The following ITGA4 variants were observed in gnomAD, a reference collection of about 807,000 sequenced individuals.
ITGA4 encodes the protein integrin alpha-4.
In ITGA4, 63 loss-of-function variants were observed where a neutral mutation model predicts 133.6. The observed-to-expected ratio is 0.47, with a 90% CI of 0.38 to 0.58. The LOEUF (loss-of-function observed/expected upper bound fraction) is 0.58. ITGA4 is among the 20% of genes least tolerant of loss of function. The pLI is 0.00. For missense variants in ITGA4, 1,076 were observed against 1,252.7 expected, an observed-to-expected ratio of 0.86 and a Z score of 2.13; for synonymous variants, 483 against 438.0, an observed-to-expected ratio of 1.10 and a Z score of -1.28.
chr2:181,504,285 C>A (rs1686345675), intron 15 of ITGA4, among the ~76,000 whole-genome samples: 1 of 151,982 alleles, frequency 6.6e-6, no homozygotes, highest in South Asian at 2.1e-4. Context: ...TCTTTGATTT[C>A]TCAAATTTCT....
rs113309461 is a variant in ITGA4, at chr2:181,520,996, T to C, written c.1923-1195T>C. Among the ~76,000 whole-genome samples the C allele has an allele frequency of 2.8e-3, 427 of 152,292 alleles. 3 individuals carry two copies. Among genetic ancestry groups the C allele is most frequent in the African/African-American group, 9.9e-3 (413 of 41,576 alleles). ...ACTGTATCTTTAGTATTTCCATAAA[T>C]AGTTTATTCAAACACTAATCTTCTC... On this transcript the variant is annotated intron_variant, in intron 17 of 27. Transcript: ENST00000397033.
Position 181,524,209 on chromosome 2 carries a change from C to T in ITGA4, c.2208C>T (p.Ser736=). The T allele has an allele frequency of 6.2e-7, 1 of 1,603,592 alleles. No homozygotes were observed. The highest frequency in any genetic ancestry group is 8.5e-7 in the Non-Finnish European group (1 of 1,174,846). Residue 736 remains serine (S), a synonymous_variant, in exon 20 of 28, where the codon AGC becomes AGT. Transcript: ENST00000397033. ...TTCTCCTGGATGTGAGCTCACTCAG[C>T]AGAGCGGAAGAGGACCTCAGTATCA... is the stretch of plus-strand genomic sequence containing the variant. The part of the protein sequence containing the change: ...ISFLLDVSSL[S]RAEEDLSITV...
intron 2 of ITGA4, among the ~76,000 whole-genome samples, chr2:181,461,655 A>G (rs1685282360): frequency 1.3e-5 from 2 of 152,194 alleles, no homozygotes; most frequent in South Asian, 4.1e-4. Flanking sequence ...CATAGAAATG[A>G]TTATCAAATT....
intron 22 of ITGA4, among the ~76,000 whole-genome samples, chr2:181,528,604 G>A (rs1686880891): frequency 6.6e-6 from 1 of 152,072 alleles, no homozygotes; most frequent in African/African-American, 2.4e-5. Flanking sequence ...CTGTAGTATT[G>A]GGCACTGCTA....
At chr2:181,535,123 G>A (rs187633024) in intron 27 of ITGA4, among the ~76,000 whole-genome samples, 188 bp downstream of exon 27, 33 of 151,874 alleles carry the variant, frequency 2.2e-4, no homozygotes, top group African/African-American at 6.8e-4. Context: ...TTCTTAATTT[G>A]TTTTGAAAGA....
chr2:181,501,259 A>G (rs141700553), intron 15 of ITGA4, among the ~76,000 whole-genome samples: 164 of 152,284 alleles, frequency 1.1e-3, no homozygotes, highest in African/African-American at 3.0e-3. Flanking sequence ...CTGGTTCAGG[A>G]GAAGAGTATT....
intron 11 of ITGA4, 74 bp downstream of exon 11, chr2:181,493,493 G>T: frequency 1.2e-6 from 1 of 832,946 alleles, no homozygotes; most frequent in East Asian, 2.7e-5. Flanking sequence ...GGTTTATGTG[G>T]ACTTATTTTT....
In ITGA4 at chr2:181,523,299, CATATAA is replaced by C. The variant is rs1402567805; in HGVS notation, c.2074-134_2074-129del. On this transcript the variant is annotated intron_variant, in intron 18 of 27. Transcript: ENST00000397033. The surrounding 1 kb of genome is among the most constrained non-coding windows in gnomAD (Gnocchi z 4.2). Reference sequence around the variant, plus strand: ...ATATCATATGTCTATTTATCTCAAACATATAAATAGAAAATAGTTTTCCTAGAAAAG... The same window carrying C: ...ATATCATATGTCTATTTATCTCAAACATAGAAAATAGTTTTCCTAGAAAAG... 8.6e-6 allele frequency: 5 copies of C among 578,572 alleles called. No homozygotes were observed. Among genetic ancestry groups the C allele is most frequent in the Non-Finnish European group, 1.2e-5 (4 of 323,074 alleles). 35.8% of individuals were successfully genotyped at this position (578,572 alleles called of 1,614,324 possible).
In ITGA4 at chr2:181,457,512, C is replaced by A. The variant is rs1246346746; in HGVS notation, c.-143C>A. 17 of 767,530 alleles carry A rather than the reference C, an allele frequency of 2.2e-5. No homozygotes were observed. In the East Asian group the frequency reaches 4.8e-4, roughly 22 times the overall value. The allele number at this position is 767,530 out of a possible 1,614,324, so 47.5% of individuals were successfully genotyped here. ...GGTGGGCCGACTTCCCCTCCTCTTC[C>A]CTCTCTCCTTCCTTTAGCCCGCTGG... On this transcript the variant is annotated 5_prime_UTR_variant, in exon 1 of 28. Transcript: ENST00000397033.
rs1223771704 is a variant in ITGA4, at chr2:181,495,719, G to T, written c.1386-64G>T. 1 of 1,411,102 alleles carries T rather than the reference G, an allele frequency of 7.1e-7. No homozygotes were observed. The highest frequency in any genetic ancestry group is 9.8e-7 in the Non-Finnish European group (1 of 1,018,616). The allele number at this position is 1,411,102 out of a possible 1,614,324, so 87.4% of individuals were successfully genotyped here. ...GTGAATGTAAACTGAAAAAACAAAC[G>T]CATTTCTCTCCTTAAGGAAAAATAA... On this transcript the variant is annotated intron_variant, in intron 13 of 27. Transcript: ENST00000397033. The surrounding 1 kb of genome is among the most constrained non-coding windows in gnomAD (Gnocchi z 4.3).
In ITGA4 at chr2:181,482,362, A is replaced by G. The variant is rs1559042715; in HGVS notation, c.843A>G (p.Ala281=). Residue 281 remains alanine (A), a splice_region_variant and synonymous_variant, in exon 8 of 28, where the codon GCA becomes GCG. Coordinates refer to ENST00000397033, the MANE Select transcript of ITGA4 (RefSeq NM_000885.6). ...TCTAATTCTTTCCCTAATTACAGGC[A>G]TATATATTCAGCATTGATGAAAAAG... ...GAPQHEQIGK[A]YIFSIDEKEL... 1 of 1,609,506 alleles carries G rather than the reference A, an allele frequency of 6.2e-7. No individual in the cohort carries two copies. Among genetic ancestry groups the G allele is most frequent in the Admixed American group, 1.7e-5 (1 of 59,318 alleles).
In ITGA4 at chr2:181,511,626, GT is replaced by G. The variant is rs1422670064; in HGVS notation, c.1846-72del. On this transcript the variant is annotated intron_variant, in intron 16 of 27. Coordinates refer to ENST00000397033, the MANE Select transcript of ITGA4 (RefSeq NM_000885.6). ...ATTTTTCTCATGCATCACAGGTGTC[GT>G]CATCTTTAAAATATATATAAATATA... 40 of 768,478 alleles carry G rather than the reference GT, an allele frequency of 5.2e-5. No individual in the cohort carries two copies. In the African/African-American group the frequency reaches 6.8e-4, roughly 13 times the overall value. 47.6% of individuals were successfully genotyped at this position (768,478 alleles called of 1,614,324 possible). A position where few individuals can be genotyped will look rare whatever the true frequency, so the allele number is the denominator to read the frequency against.
In ITGA4 at chr2:181,482,352, A is replaced by G. The variant is rs199860237; in HGVS notation, c.841-8A>G. On this transcript the variant is annotated splice_polypyrimidine_tract_variant and splice_region_variant and intron_variant, in intron 7 of 27. Transcript: ENST00000397033. ...TAAAAACTTTTCTAATTCTTTCCCTAATTACAGGCATATATATTCAGCATT... is the reference window on the plus strand; with the variant it reads ...TAAAAACTTTTCTAATTCTTTCCCTGATTACAGGCATATATATTCAGCATT... 7.5e-6 allele frequency: 12 copies of G among 1,595,856 alleles called. No individual in the cohort carries two copies. The highest frequency in any genetic ancestry group is 1.0e-5 in the Non-Finnish European group (12 of 1,173,546).
rs983891453 is a variant in ITGA4, at chr2:181,488,280, T to C, written c.1153+2288T>C. Reference sequence around the variant, plus strand: ...TTAGGAAGAGGACTTCGGAGGTGACTTTCAGGGGACAGTGCAGTCTCTCAA... The same window carrying C: ...TTAGGAAGAGGACTTCGGAGGTGACCTTCAGGGGACAGTGCAGTCTCTCAA... On this transcript the variant is annotated intron_variant, in intron 10 of 27. Coordinates refer to ENST00000397033, the MANE Select transcript of ITGA4 (RefSeq NM_000885.6). Among the ~76,000 whole-genome samples the C allele has an allele frequency of 3.3e-5, 5 of 152,150 alleles. No homozygotes were observed. In the South Asian group the frequency reaches 1.0e-3, roughly 32 times the overall value.
chr2:181,468,386 A>G (rs1685471904), intron 2 of ITGA4, among the ~76,000 whole-genome samples: 1 of 152,188 alleles, frequency 6.6e-6, no homozygotes, highest in Non-Finnish European at 1.5e-5. Flanking sequence ...AGTACATTCT[A>G]GTAAAGGATT....
chr2:181,509,150 A>T (rs1248900228), intron 15 of ITGA4, among the ~76,000 whole-genome samples: 99 of 1,208 alleles, frequency 0.082, 5 homozygotes, highest in African/African-American at 0.14. Context: ...AAAAAAAAAA[A>T]AAAAAAAAAA....
At chr2:181,472,382 T>C (rs1356884546) in intron 2 of ITGA4, among the ~76,000 whole-genome samples, 1 of 152,182 alleles carries the variant, frequency 6.6e-6, no homozygotes, top group African/African-American at 2.4e-5. Flanking sequence ...AATAATAGAT[T>C]TGTTTCTAAA....
At chr2:181,512,822 A>G (rs1457953007) in intron 17 of ITGA4, among the ~76,000 whole-genome samples, 2 of 152,186 alleles carry the variant, frequency 1.3e-5, no homozygotes, top group South Asian at 2.1e-4. Flanking sequence ...GTGATTAAAG[A>G]AAGGAGAGTA....
intron 17 of ITGA4, among the ~76,000 whole-genome samples, chr2:181,512,520 G>C (rs752189730): frequency 2.0e-5 from 3 of 152,056 alleles, no homozygotes; most frequent in Non-Finnish European, 4.4e-5. Context: ...TCAAATCTTG[G>C]AGGACAGTTT....
Sources: allele counts gnomAD v4.1 joint callset (sites outside exome capture counted in the v4.1 genomes callset), GRCh38; gene constraint gnomAD v4.1.1; non-coding constraint Gnocchi (gnomAD v3.1); transcripts MANE v1.5; gene names NCBI Gene and HGNC (gene_info 2026-07-23, HGNC 2026-07-21).